The following LYSMD4 variants were observed in gnomAD, a reference collection of about 807,000 sequenced individuals.
LYSMD4 encodes the protein LysM domain containing 4, also known as lysM and putative peptidoglycan-binding domain-containing protein 4.
In LYSMD4, 9 loss-of-function variants were observed where a neutral mutation model predicts 6.1. The ratio of observed to expected loss-of-function variants is 1.47; its 90% CI spans 0.88 to 2.56. LYSMD4 has a LOEUF of 2.56. Among genes scored for constraint, LYSMD4 ranks in the 30% most tolerant of loss-of-function variants. LYSMD4 has a pLI of 0.00. For synonymous variants in LYSMD4, 143 were observed against 148.5 expected (o/e 0.96, Z 0.27); for missense variants, 384 against 373.5 (o/e 1.03, Z -0.23).
upstream of LYSMD4, among the ~76,000 whole-genome samples, chr15:99,720,407 G>A (rs1277587475): frequency 6.6e-6 from 1 of 152,084 alleles, no homozygotes; most frequent in East Asian, 1.9e-4. Flanking sequence ...GATCACTTGA[G>A]CCCAGGAATT....
chr15:99,729,643 C>G lies in LYSMD4; in HGVS notation c.371G>C (p.Gly124Ala). Residue 124 changes from glycine to alanine, a missense_variant, in exon 3 of 3, where the codon GGG becomes GCG. By Grantham distance (60) the Gly-to-Ala change is moderately conservative (BLOSUM62 0). Transcript: ENST00000684762. ...KSVKIPVRNH[G>A]ILMETHKELK... ...TTCTTTGTGGGTCTCCATCAGGATC[C>G]CATGGTTTCTCACTGGAATCTTAAC... 6.2e-7 allele frequency: 1 copy of G among 1,614,098 alleles called. No homozygotes were observed. Among genetic ancestry groups the G allele is most frequent in the African/African-American group, 1.3e-5 (1 of 75,038 alleles).
intron 2 of LYSMD4, chr15:99,731,330 A>G: frequency 6.2e-7 from 1 of 1,607,054 alleles, no homozygotes; most frequent in African/African-American, 1.3e-5. Context: ...GTTCAGAAAA[A>G]TAAGAGCAGC....
At chr15:99,731,083 C>T in intron 2 of LYSMD4, 1 of 1,220,640 alleles carries the variant, frequency 8.2e-7, no homozygotes, top group Admixed American at 1.9e-5. Flanking sequence ...CTAGAGAAGG[C>T]CATACAAATC....
chr15:99,729,992 T>C lies in LYSMD4; in HGVS notation c.283-261A>G, dbSNP rs532742135. Among the ~76,000 whole-genome samples, 17 of 152,352 alleles carry C rather than the reference T, an allele frequency of 1.1e-4. No homozygotes were observed. In the South Asian group the frequency reaches 3.5e-3, roughly 32 times the overall value. ...CAGGTTTGAACAATTTAAGATCAGT[T>C]TTGAAAAACAGATCTTTCTTAAACT... On this transcript the variant is annotated intron_variant, in intron 2 of 2. Transcript: ENST00000684762.
chr15:99,721,975 A>G (rs2059240905), upstream of LYSMD4, among the ~76,000 whole-genome samples: 1 of 152,086 alleles, frequency 6.6e-6, no homozygotes, highest in Admixed American at 6.6e-5. Flanking sequence ...AGTCTGAGGC[A>G]TCTAGAATTT....
chr15:99,716,403 C>A, exon 1 of LYSMD4: 1 of 408,098 alleles, frequency 2.5e-6, no homozygotes, highest in Non-Finnish European at 5.0e-6. Context: ...AACTTTTTAT[C>A]AAATGGTGAA....
Position 99,729,744 on chromosome 15 carries a change from G to C in LYSMD4, c.283-13C>G, listed in dbSNP as rs1053170840. 11 of 1,589,728 alleles carry C rather than the reference G, an allele frequency of 6.9e-6. No homozygotes were observed. In the South Asian group the frequency reaches 1.2e-4, roughly 18 times the overall value. On this transcript the variant is annotated splice_polypyrimidine_tract_variant and intron_variant, in intron 2 of 2. Coordinates refer to ENST00000684762, the MANE Select transcript of LYSMD4 (RefSeq NM_001284417.2). The stretch of plus-strand genomic sequence containing the variant: ...TGATATCTGCAACCTAGGAAGGCAC[G>C]AAGATAAACATCATAAAATATGCGG...
chr15:99,729,472 A>T lies in LYSMD4; in HGVS notation c.542T>A (p.Val181Glu). 6.2e-7 allele frequency: 1 copy of T among 1,614,156 alleles called. No individual in the cohort carries two copies. The highest frequency in any genetic ancestry group is 8.5e-7 in the Non-Finnish European group (1 of 1,180,024). ...KGIDQDIERA[V>E]QSEIFLHESY... ...TTCATGTAGAAAGATTTCTGACTGC[A>T]CTGCACGCTCAATATCCTGGTCAAT... Residue 181 changes from valine to glutamate, a missense_variant, in exon 3 of 3, where the codon GTG becomes GAG. Physicochemically the swap from Val to Glu is moderately radical, Grantham distance 121. Coordinates refer to ENST00000684762, the MANE Select transcript of LYSMD4 (RefSeq NM_001284417.2).
At chr15:99,733,132 G>A (rs2059462843) in intron 1 of LYSMD4, 1 of 368,902 alleles carries the variant, frequency 2.7e-6, no homozygotes, top group Non-Finnish European at 4.8e-6. Context: ...CATTCCAGAG[G>A]GCAGAACCTC....
chr15:99,731,526 C>A (rs989407366), intron 2 of LYSMD4, 192 bp downstream of exon 2: 1 of 1,559,518 alleles, frequency 6.4e-7, no homozygotes, highest in Admixed American at 2.1e-5. Context: ...TCTTTGGGGG[C>A]CAGGGTTGGG....
chr15:99,716,751 C>T (rs1171571002), exon 1 of LYSMD4: 1 of 453,626 alleles, frequency 2.2e-6, no homozygotes, highest in East Asian at 7.0e-5. Flanking sequence ...CCACCGGGGC[C>T]TAATCTGGCT....
chr15:99,728,627 A>C lies in LYSMD4; in HGVS notation c.*496T>G. On this transcript the variant is annotated 3_prime_UTR_variant, in exon 3 of 3. Transcript: ENST00000684762. The stretch of plus-strand genomic sequence containing the variant: ...TTACAACTGTAACTGTCACTCTCTA[A>C]AACAGGGTGGCATGCCAAGCCTATT... The C allele has an allele frequency of 5.7e-6, 1 of 176,872 alleles. No homozygotes were observed. The highest frequency in any genetic ancestry group is 1.2e-5 in the Non-Finnish European group (1 of 80,330). 11.0% of individuals were successfully genotyped at this position (176,872 alleles called of 1,614,324 possible).
chr15:99,718,909 GCACACACACACACACACA>G (rs57143734), upstream of LYSMD4, among the ~76,000 whole-genome samples: 203 of 150,710 alleles, frequency 1.3e-3, 1 homozygote, highest in Admixed American at 0.012. Flanking sequence ...GTAGTTATGC[GCACACACACACACACACA>G]CACACACACA....
chr15:99,725,859 A>C (rs900361184), downstream of LYSMD4, among the ~76,000 whole-genome samples: 10 of 152,194 alleles, frequency 6.6e-5, no homozygotes, highest in Non-Finnish European at 1.3e-4. Flanking sequence ...AAACGGATTA[A>C]GAGCACAGGC....
intron 2 of LYSMD4, among the ~76,000 whole-genome samples, chr15:99,730,699 CAATAAATTAAGA>C (rs1306619644): frequency 6.9e-6 from 1 of 145,478 alleles, no homozygotes; most frequent in Non-Finnish European, 1.5e-5. Context: ...TCTCTGCCTT[CAATAAATTAAGA>C]GCAAATTTAT....
rs902014159 is a variant in LYSMD4, at chr15:99,733,386, G to C, written c.-50C>G. ...CGCCGCGACCGGCGACCGGCGACTC[G>C]CGACCCGCGACCCGCGACCCGCAGC... On this transcript the variant is annotated 5_prime_UTR_variant, in exon 1 of 3. Coordinates refer to ENST00000684762, the MANE Select transcript of LYSMD4 (RefSeq NM_001284417.2). 2 of 393,786 alleles carry C rather than the reference G, an allele frequency of 5.1e-6. No individual in the cohort carries two copies. The highest frequency in any genetic ancestry group is 9.0e-6 in the Non-Finnish European group (2 of 223,254). 24.4% of individuals were successfully genotyped at this position (393,786 alleles called of 1,614,324 possible). A position where few individuals can be genotyped will look rare whatever the true frequency, so the allele number is the denominator to read the frequency against.
Position 99,728,988 on chromosome 15 carries a change from A to C in LYSMD4, c.*135T>G. On this transcript the variant is annotated 3_prime_UTR_variant, in exon 3 of 3. Transcript: ENST00000684762. ...ATGCCCAGGGCCAGTGCAATTGGGA[A>C]TACTGCAGTGACTTCTGAAAAGTGT... 2 of 1,229,732 alleles carry C rather than the reference A, an allele frequency of 1.6e-6. No individual in the cohort carries two copies. Among genetic ancestry groups the C allele is most frequent in the Non-Finnish European group, 2.3e-6 (2 of 874,038 alleles). The allele number at this position is 1,229,732 out of a possible 1,614,324, so 76.2% of individuals were successfully genotyped here.
rs868062868 is a variant in LYSMD4 at position 99,728,068 on chromosome 15, T to C, written c.*1055A>G. On this transcript the variant is annotated 3_prime_UTR_variant, in exon 3 of 3. Transcript: ENST00000684762. Reference sequence around the variant, plus strand: ...CGCCTTTTACAACAAGGGTCGCCTCTAGCCCCTCCATCAAGTCTTTGGTCC... The same window carrying C: ...CGCCTTTTACAACAAGGGTCGCCTCCAGCCCCTCCATCAAGTCTTTGGTCC... 1 of 152,358 alleles carries C rather than the reference T, an allele frequency of 6.6e-6. No individual in the cohort carries two copies. Among genetic ancestry groups the C allele is most frequent in the Non-Finnish European group, 1.5e-5 (1 of 68,114 alleles). 9.4% of individuals were successfully genotyped at this position (152,358 alleles called of 1,614,324 possible).
chr15:99,726,732 A>ACTATAGAACATTCAGC (rs1861526118), downstream of LYSMD4, among the ~76,000 whole-genome samples: 1 of 152,174 alleles, frequency 6.6e-6, no homozygotes, highest in African/African-American at 2.4e-5. Flanking sequence ...ACTATAGTTC[A>ACTATAGAACATTCAGC]ACCAAAAAGA....
Sources: gnomAD v4.1 joint callset for allele counts (sites outside exome capture counted in the v4.1 genomes callset) on GRCh38, gnomAD v4.1.1 for gene constraint, MANE v1.5 for transcripts, NCBI Gene and HGNC (gene_info 2026-07-23, HGNC 2026-07-21) for gene names.